MUC5B: variants seen among roughly 807,000 people sequenced by gnomAD.
MUC5B encodes mucin 5B, oligomeric mucus/gel-forming, also known as mucin-5B.
MUC5B carries 116 observed loss-of-function variants against 376.9 expected under a neutral mutation model. That is an observed-to-expected ratio of 0.31 (90% CI 0.26 to 0.36). MUC5B has a LOEUF of 0.36. Among genes scored for constraint, MUC5B ranks in the 10% least tolerant of loss-of-function variants. The pLI is 1.00. For missense variants in MUC5B, 7,165 were observed against 7,769.9 expected (o/e 0.92, Z 2.93); for synonymous variants, 3,517 against 3,390.9 (o/e 1.04, Z -1.29).
At position 1,232,999 on chromosome 11, in the gene MUC5B, C is replaced by T. The variant is rs372531097; in HGVS notation, c.2066-14C>T. The T allele has an allele frequency of 1.2e-3, 1,916 of 1,565,756 alleles. 2 individuals are homozygous for T. Among genetic ancestry groups the T allele is most frequent in the Non-Finnish European group, 1.5e-3 (1,779 of 1,159,156 alleles). On this transcript the variant is annotated splice_polypyrimidine_tract_variant and intron_variant, in intron 17 of 48. Coordinates refer to ENST00000529681, the MANE Select transcript of MUC5B (RefSeq NM_002458.3). ...CGGCCGCTGACCTGTCCCCCCTGGC[C>T]CCACCGACCACAGCCAAGTACATGC... is the stretch of plus-strand genomic sequence containing the variant.
chr11:1,255,349 G>T, intron 36 of MUC5B, 34 bp from the exon 37 acceptor site: 1 of 1,553,518 alleles, frequency 6.4e-7, no homozygotes, highest in East Asian at 2.4e-5. Flanking sequence ...CCCTGGGGCT[G>T]GGGGCCCTCC....
At position 1,248,816 on chromosome 11, in the gene MUC5B, C is replaced by T. The variant is rs529421225; in HGVS notation, c.11936C>T (p.Thr3979Ile). The part of the protein sequence containing the change: ...TTPIPPVLTT[T>I]ATTPAATSST... Reference sequence around the variant, plus strand: ...CCTATCCCCCCAGTGCTGACCACCACCGCCACCACACCTGCAGCCACCAGC... The same window carrying T: ...CCTATCCCCCCAGTGCTGACCACCATCGCCACCACACCTGCAGCCACCAGC... Residue 3979 changes from threonine (T) to isoleucine (I), a missense_variant, in exon 31 of 49, where the codon ACC becomes ATC. By Grantham distance (89) the Thr-to-Ile change is moderately conservative (BLOSUM62 -1). Transcript: ENST00000529681. 1 of 1,548,644 alleles carries T rather than the reference C, an allele frequency of 6.5e-7. No individual in the cohort carries two copies. Among genetic ancestry groups the T allele is most frequent in the East Asian group, 2.4e-5 (1 of 40,882 alleles).
Position 1,243,176 on chromosome 11 carries a change from C to A in MUC5B, c.6296C>A (p.Thr2099Asn), listed in dbSNP as rs2133826696. ...TVTPSSIPGT[T>N]HTATVLTTTT... ...ACCCCCTCCTCCATCCCGGGGACCA[C>A]CCACACCGCCACAGTGCTGACCACC... The change falls in exon 31 of 49, where the codon ACC becomes AAC. Residue 2099 changes from threonine to asparagine, a missense_variant. This residue lies in a region of MUC5B where 897 missense variants were observed against 779.6 expected (regional missense o/e 1.15). Transcript: ENST00000529681. 2.5e-6 allele frequency: 4 copies of A among 1,604,816 alleles called. No individual in the cohort carries two copies. In the East Asian group the frequency reaches 9.0e-5, roughly 36 times the overall value.
rs756433319 is a variant in MUC5B, at chr11:1,243,817, G to A, written c.6937G>A (p.Gly2313Ser). The change falls in exon 31 of 49, where the codon GGC becomes AGC. Residue 2313 changes from glycine (G) to serine (S), a missense_variant. By Grantham distance (56) the Gly-to-Ser change is moderately conservative. Coordinates refer to ENST00000529681, the MANE Select transcript of MUC5B (RefSeq NM_002458.3). ...CCCCATAACCACGGTGGTGACCATG[G>A]GCTGTGAGCCCCAGTGTGCCTGGTC... ...SAPITTVVTM[G>S]CEPQCAWSEW... 2.5e-6 allele frequency: 4 copies of A among 1,611,426 alleles called. No homozygotes were observed. In the South Asian group the frequency reaches 3.3e-5, roughly 13 times the overall value.
intron 18 of MUC5B, 35 bp downstream of exon 18, chr11:1,233,303 G>A: frequency 6.8e-7 from 1 of 1,479,804 alleles, no homozygotes. Context: ...CCCCCCAGGT[G>A]CTCCTCAGAG....
At chr11:1,229,101 C>T (rs891336513) in intron 8 of MUC5B, 69 bp from the exon 9 acceptor site, 26 of 1,441,412 alleles carry the variant, frequency 1.8e-5, no homozygotes, top group South Asian at 5.7e-5. Context: ...CCGTGGAAGG[C>T]GGCTGGGGCT....
rs937262682 is a variant in MUC5B at position 1,238,768 on chromosome 11, G to C, written c.3298-103G>C. 8 of 1,253,028 alleles carry C rather than the reference G, an allele frequency of 6.4e-6. No homozygotes were observed. In the African/African-American group the frequency reaches 1.2e-4, roughly 19 times the overall value. 77.6% of individuals were successfully genotyped at this position (1,253,028 alleles called of 1,614,324 possible). Reference sequence around the variant, plus strand: ...AGGAGCTCAGAGAGCTGCCATGGGGGGTGTTGAAATACAGATGGTTCCAGC... The same window carrying C: ...AGGAGCTCAGAGAGCTGCCATGGGGCGTGTTGAAATACAGATGGTTCCAGC... On this transcript the variant is annotated intron_variant, in intron 25 of 48. Coordinates refer to ENST00000529681, the MANE Select transcript of MUC5B (RefSeq NM_002458.3).
At position 1,247,508 on chromosome 11, in the gene MUC5B, C is replaced by A. The variant is rs1862526180; in HGVS notation, c.10628C>A (p.Ala3543Asp). Residue 3543 changes from alanine to aspartate, a missense_variant, in exon 31 of 49, where the codon GCC (alanine) becomes GAC (aspartate). By Grantham distance (126) the Ala-to-Asp change is moderately radical. This residue lies in a region of MUC5B where 939 missense variants were observed against 770.6 expected (regional missense o/e 1.22). Transcript: ENST00000529681. Reference sequence around the variant, plus strand: ...GGCACCTCCAGGACCACAGCCACAGCCACACCCAGCAAGACCCGCACCTCG... The same window carrying A: ...GGCACCTCCAGGACCACAGCCACAGACACACCCAGCAAGACCCGCACCTCG... ...TRGTSRTTAT[A>D]TPSKTRTSTL... is the part of the protein sequence containing the mutation. 6.2e-7 allele frequency: 1 copy of A among 1,608,702 alleles called. No homozygotes were observed. Among genetic ancestry groups the A allele is most frequent in the Non-Finnish European group, 8.5e-7 (1 of 1,177,844 alleles).
In MUC5B at chr11:1,249,078, G is replaced by T. The variant is rs200424266; in HGVS notation, c.12198G>T (p.Leu4066=). Residue 4066 remains leucine (L), a synonymous_variant, in exon 31 of 49, where the codon CTG becomes CTT. Transcript: ENST00000529681. ...TGTTQHSTPA[L]SSPHPSSRTT... ...CCACCCAGCACTCGACTCCAGCCCT[G>T]TCCAGCCCTCACCCTAGCAGCAGGA... 1.5e-4 allele frequency: 242 copies of T among 1,604,916 alleles called. No homozygotes were observed. Among genetic ancestry groups the T allele is most frequent in the Admixed American group, 4.4e-4 (26 of 59,154 alleles).
In MUC5B at chr11:1,239,927, G is replaced by T; in HGVS notation, c.3712G>T (p.Glu1238Ter). 6.2e-7 allele frequency: 1 copy of T among 1,613,276 alleles called. No homozygotes were observed. The highest frequency in any genetic ancestry group is 2.2e-5 in the East Asian group (1 of 44,862). Residue 1238 changes from glutamate to a stop codon, truncating the protein, a stop_gained, in exon 28 of 49, where the codon GAG becomes TAG. Coordinates refer to ENST00000529681, the MANE Select transcript of MUC5B (RefSeq NM_002458.3). LOFTEE classifies it high-confidence loss of function. ...YDVGARVPTAENCQSCNCTPS... is the reference protein window; with the variant it reads ...YDVGARVPTA ...CGTCGGTGCAAGGGTCCCCACAGCGGAGAACTGCCAGAGCTGGTGAGGGGG... is the reference window on the plus strand; with the variant it reads ...CGTCGGTGCAAGGGTCCCCACAGCGTAGAACTGCCAGAGCTGGTGAGGGGG...
In MUC5B at chr11:1,245,559, G is replaced by A. The variant is rs1233402616; in HGVS notation, c.8679G>A (p.Gly2893=). The change falls in exon 31 of 49, where the codon GGG becomes GGA. Residue 2893 remains glycine (G), a synonymous_variant. Transcript: ENST00000529681. ...YSYPMPGPSG[G]DFDTYSNIRA... ...ACCCCATGCCGGGGCCCTCTGGCGG[G>A]GACTTTGACACCTACTCCAACATCC... 10 of 1,570,282 alleles carry A rather than the reference G, an allele frequency of 6.4e-6. No homozygotes were observed. In the African/African-American group the frequency reaches 1.3e-4, roughly 20 times the overall value.
intron 26 of MUC5B, 68 bp downstream of exon 26, chr11:1,239,095 C>T (rs1862221284): frequency 2.0e-6 from 3 of 1,528,934 alleles, no homozygotes; most frequent in Non-Finnish European, 2.6e-6. Flanking sequence ...GTGTGGCAGC[C>T]TCCGAAGGTG....
chr11:1,248,458 G>A lies in MUC5B; in HGVS notation c.11578G>A (p.Ala3860Thr), dbSNP rs1247568195. ...CACCCCCTCTTCCACCCCAGGAACA[G>A]CTCACACTACCAAAGTGCCGACTAC... ...VATPSSTPGT[A>T]HTTKVPTTTT... Residue 3860 changes from alanine (A) to threonine (T), a missense_variant, in exon 31 of 49, where the codon GCT becomes ACT. Around this residue, in one of 31 missense-constraint regions of MUC5B, gnomAD observed 242 missense variants for 199.0 expected, o/e 1.22. Transcript: ENST00000529681. The A allele has an allele frequency of 1.2e-6, 2 of 1,609,742 alleles. No homozygotes were observed. The highest frequency in any genetic ancestry group is 1.1e-5 in the South Asian group (1 of 90,922).
Position 1,227,819 on chromosome 11 carries a change from G to A in MUC5B, c.774+38G>A, listed in dbSNP as rs571742054. ...CCACCCCCAGCTCCTGGGCAGGGAC[G>A]GCCTCCAGGTCCAGGGGGAGCTGGG... On this transcript the variant is annotated intron_variant, in intron 7 of 48. Transcript: ENST00000529681. 5.1e-5 allele frequency: 35 copies of A among 688,964 alleles called. 1 individual carries two copies. The highest frequency in any genetic ancestry group is 4.4e-4 in the South Asian group (29 of 66,366). 42.7% of individuals were successfully genotyped at this position (688,964 alleles called of 1,614,324 possible). A position where few individuals can be genotyped will look rare whatever the true frequency, so the allele number is the denominator to read the frequency against.
Position 1,248,250 on chromosome 11 carries a change from A to T in MUC5B, c.11370A>T (p.Thr3790=). The change falls in exon 31 of 49, where the codon ACA becomes ACT. Residue 3790 remains threonine (T), a synonymous_variant. Coordinates refer to ENST00000529681, the MANE Select transcript of MUC5B (RefSeq NM_002458.3). ...TGAGAAGCACAGCCACCACACCCAC[A>T]GCTACCAGCTTTACAGCCATCCCCT... The part of the protein sequence containing the change: ...PALRSTATTP[T]ATSFTAIPSS... 2 of 1,596,648 alleles carry T rather than the reference A, an allele frequency of 1.3e-6. No individual in the cohort carries two copies. Among genetic ancestry groups the T allele is most frequent in the Non-Finnish European group, 1.7e-6 (2 of 1,169,086 alleles).
At chr11:1,227,260 GT>G in intron 5 of MUC5B, 47 bp from the exon 6 acceptor site, 4 of 1,578,500 alleles carry the variant, frequency 2.5e-6, no homozygotes, top group East Asian at 4.5e-5. Flanking sequence ...TGTTGCCAGT[GT>G]GGGGATCAGA....
Position 1,252,427 on chromosome 11 carries a change from A to C in MUC5B, c.14948A>C (p.Gln4983Pro). The C allele has an allele frequency of 6.2e-7, 1 of 1,611,168 alleles. No homozygotes were observed. Among genetic ancestry groups the C allele is most frequent in the South Asian group, 1.1e-5 (1 of 90,852 alleles). ...CAGCACTGTGACATTGACCGCTTCC[A>C]GGGCGCCTGTCCCACCTCCCCACCG... ...CNQHCDIDRF[Q>P]GACPTSPPPV... Residue 4983 changes from glutamine to proline, a missense_variant, in exon 32 of 49, where the codon CAG becomes CCG. Physicochemically the swap from Gln to Pro is moderately conservative, Grantham distance 76 (BLOSUM62 -1). Transcript: ENST00000529681.
rs774519952 is a variant in MUC5B, at chr11:1,240,874, G to A, written c.3994G>A (p.Val1332Met). The A allele has an allele frequency of 1.4e-5, 23 of 1,611,178 alleles. No individual in the cohort carries two copies. Among genetic ancestry groups the A allele is most frequent in the East Asian group, 2.2e-5 (1 of 44,860 alleles). Reference sequence around the variant, plus strand: ...AGGCCCGGCCCTCCCGGTCTCCACCGTGTGTGTCCGCGAGGTCTGCCGCTG... The same window carrying A: ...AGGCCCGGCCCTCCCGGTCTCCACCATGTGTGTCCGCGAGGTCTGCCGCTG... The part of the protein sequence containing the change: ...TTSPALPVST[V>M]CVREVCRWSS... The change falls in exon 31 of 49, where the codon GTG becomes ATG. Residue 1332 changes from valine (V) to methionine (M), a missense_variant. Physicochemically the swap from Val to Met is conservative, Grantham distance 21. Transcript: ENST00000529681.
In MUC5B at chr11:1,245,270, C is replaced by A. The variant is rs1427800825; in HGVS notation, c.8390C>A (p.Ala2797Glu). 6.3e-7 allele frequency: 1 copy of A among 1,594,962 alleles called. No homozygotes were observed. Among genetic ancestry groups the A allele is most frequent in the African/African-American group, 1.4e-5 (1 of 72,278 alleles). Residue 2797 changes from alanine (A) to glutamate (E), a missense_variant, in exon 31 of 49, where the codon GCA becomes GAA. Ala to Glu is a moderately radical substitution (Grantham distance 107, BLOSUM62 -1). Coordinates refer to ENST00000529681, the MANE Select transcript of MUC5B (RefSeq NM_002458.3). ...ACGGGGACTTCCCACACCCCAGCAG[C>A]AACCACCGGTACCACCCAGCACTCG... ...PSTGTSHTPAATTGTTQHSTP... is the reference protein window; with the variant it reads ...PSTGTSHTPAETTGTTQHSTP...
Sources: allele counts gnomAD v4.1 joint callset, GRCh38; gene constraint gnomAD v4.1.1; regional missense constraint gnomAD v4.1.1; transcripts MANE v1.5; gene names NCBI Gene and HGNC (gene_info 2026-07-23, HGNC 2026-07-21).